Variants in TMEM132B observed in about 807,000 individuals in gnomAD.
TMEM132B encodes transmembrane protein 132B.
TMEM132B carries 18 observed loss-of-function variants against 90.8 expected under a neutral mutation model. The ratio of observed to expected loss-of-function variants is 0.20; its 90% CI spans 0.14 to 0.29. TMEM132B has a LOEUF of 0.29. TMEM132B is among the 10% of genes least tolerant of loss of function. The probability of loss-of-function intolerance (pLI) is 1.00; values close to 1 mark genes in which losing one functional copy is unlikely to be tolerated. For synonymous variants in TMEM132B, 504 were observed against 523.3 expected (o/e 0.96, Z 0.50); for missense variants, 1,096 against 1,326.8 (o/e 0.83, Z 2.70).
chr12:125,346,875 A>G (rs1877384790), intron 1 of TMEM132B, among the ~76,000 whole-genome samples: 1 of 152,216 alleles, frequency 6.6e-6, no homozygotes, highest in Non-Finnish European at 1.5e-5. Flanking sequence ...TTCTCTTGAC[A>G]CTACAGATTT....
At chr12:125,607,754 C>T (rs1407969772) in intron 5 of TMEM132B, among the ~76,000 whole-genome samples, 2 of 152,172 alleles carry the variant, frequency 1.3e-5, no homozygotes, top group Non-Finnish European at 2.9e-5. Context: ...AGCAACTATT[C>T]CTCATTTTCT....
chr12:125,592,884 G>T (rs1363977854), intron 5 of TMEM132B, among the ~76,000 whole-genome samples: 1 of 152,178 alleles, frequency 6.6e-6, no homozygotes, highest in Non-Finnish European at 1.5e-5. Flanking sequence ...GGAACAAGTG[G>T]AATTTCTGCA....
intron 1 of TMEM132B, among the ~76,000 whole-genome samples, chr12:125,219,259 TGACACC>T (rs961019347): frequency 2.5e-4 from 38 of 152,360 alleles, no homozygotes; most frequent in African/African-American, 9.1e-4. Flanking sequence ...AGATTCTGGA[TGACACC>T]GACAGCTCGA....
At chr12:125,461,876 C>T (rs866839411) in intron 3 of TMEM132B, among the ~76,000 whole-genome samples, 6 of 152,344 alleles carry the variant, frequency 3.9e-5, no homozygotes, top group South Asian at 2.1e-4. Context: ...CCTGCCTCGT[C>T]CACAAGCCTG....
intron 3 of TMEM132B, among the ~76,000 whole-genome samples, chr12:125,482,299 C>T (rs552336489): frequency 1.3e-5 from 2 of 151,546 alleles, no homozygotes. Context: ...AAAGAAACTA[C>T]CATCAGAGTG....
chr12:125,516,788 G>A (rs1566060512), intron 3 of TMEM132B, among the ~76,000 whole-genome samples: 1 of 152,196 alleles, frequency 6.6e-6, no homozygotes, highest in Non-Finnish European at 1.5e-5. Flanking sequence ...CTGAGAACCC[G>A]GGAGGTTTTG....
At chr12:125,554,374 G>A (rs11058239) in intron 4 of TMEM132B, among the ~76,000 whole-genome samples, 18,672 of 142,802 alleles carry the variant, frequency 0.13, 1,705 homozygotes, top group East Asian at 0.54. Context: ...ACAGTGAGCC[G>A]AGATAGTGCC....
intron 1 of TMEM132B, among the ~76,000 whole-genome samples, chr12:125,346,926 A>G (rs1877385391): frequency 6.6e-6 from 1 of 152,258 alleles, no homozygotes; most frequent in African/African-American, 2.4e-5. Flanking sequence ...TGTCACACAC[A>G]TAGTGTGGCT....
intron 1 of TMEM132B, among the ~76,000 whole-genome samples, chr12:125,250,983 C>T (rs893186571): frequency 6.6e-6 from 1 of 152,184 alleles, no homozygotes; most frequent in Non-Finnish European, 1.5e-5. Flanking sequence ...CCCTGTTCTC[C>T]TTATTTGATT....
chr12:125,333,867 C>T (rs1876871460), intron 1 of TMEM132B, among the ~76,000 whole-genome samples: 1 of 152,046 alleles, frequency 6.6e-6, no homozygotes, highest in African/African-American at 2.4e-5. Context: ...CTTTTTTAAC[C>T]TCTGGCCTAA....
At chr12:125,567,035 G>A (rs1316884012) in intron 4 of TMEM132B, among the ~76,000 whole-genome samples, 4 of 151,808 alleles carry the variant, frequency 2.6e-5, no homozygotes, top group African/African-American at 9.7e-5. Flanking sequence ...GTAGAGATGG[G>A]GTTTCACCAT....
At chr12:125,352,100 C>T (rs144210990) in intron 2 of TMEM132B, among the ~76,000 whole-genome samples, 5 of 152,260 alleles carry the variant, frequency 3.3e-5, no homozygotes, top group South Asian at 2.1e-4. Context: ...TAGAACTCTG[C>T]GTTCTAGACT....
chr12:125,273,718 T>G (rs1399258777), intron 1 of TMEM132B, among the ~76,000 whole-genome samples: 1 of 152,170 alleles, frequency 6.6e-6, no homozygotes, highest in African/African-American at 2.4e-5. Context: ...AAGGCTAGAG[T>G]GCAGTGGTGC....
intron 1 of TMEM132B, among the ~76,000 whole-genome samples, chr12:125,201,723 C>T (rs1177701549): frequency 6.6e-6 from 1 of 152,130 alleles, no homozygotes; most frequent in Admixed American, 6.5e-5. Flanking sequence ...GAACTCCTAC[C>T]CCTTGAGATG....
intron 3 of TMEM132B, among the ~76,000 whole-genome samples, chr12:125,426,257 G>A (rs1880317336): frequency 6.6e-6 from 1 of 151,998 alleles, no homozygotes; most frequent in Admixed American, 6.6e-5. Flanking sequence ...TTGGTCAGGT[G>A]TCTGTTCAAG....
intron 1 of TMEM132B, among the ~76,000 whole-genome samples, chr12:125,229,531 A>C (rs1021861055): frequency 2.0e-5 from 3 of 152,234 alleles, no homozygotes; most frequent in African/African-American, 7.2e-5. Flanking sequence ...AGTAAATTCT[A>C]TCTACCTACC....
chr12:125,471,677 AG>A (rs1207686430), intron 3 of TMEM132B, among the ~76,000 whole-genome samples: 3 of 152,162 alleles, frequency 2.0e-5, no homozygotes, highest in African/African-American at 7.2e-5. Context: ...GACATATTGG[AG>A]ATCTTAGCCT....
intron 1 of TMEM132B, among the ~76,000 whole-genome samples, chr12:125,325,058 T>C (rs1245332835): frequency 1.3e-5 from 2 of 152,206 alleles, no homozygotes; most frequent in African/African-American, 4.8e-5. Context: ...CTGAGATAGC[T>C]GATAACAAGG....
chr12:125,602,816 C>T (rs578078876), intron 5 of TMEM132B, among the ~76,000 whole-genome samples: 4 of 152,154 alleles, frequency 2.6e-5, no homozygotes, highest in African/African-American at 7.2e-5. Context: ...TCCCTATATA[C>T]CAACAATAGA....
Sources: allele counts gnomAD v4.1 joint callset (sites outside exome capture counted in the v4.1 genomes callset), GRCh38; gene constraint gnomAD v4.1.1; transcripts MANE v1.5; gene names NCBI Gene and HGNC (gene_info 2026-07-23, HGNC 2026-07-21).